The following IL1RAPL1 variants were observed in gnomAD, a reference collection of about 807,000 sequenced individuals.
The protein encoded by IL1RAPL1 is interleukin-1 receptor accessory protein-like 1.
In IL1RAPL1, 3 loss-of-function variants were observed where a neutral mutation model predicts 48.4. The ratio of observed to expected loss-of-function variants is 0.06; its 90% CI spans 0.03 to 0.16. The LOEUF is 0.16. IL1RAPL1 is among the 10% of genes least tolerant of loss of function. IL1RAPL1 has a pLI of 1.00. For missense variants in IL1RAPL1, 349 were observed against 530.6 expected (o/e 0.66, Z 3.36); for synonymous variants, 185 against 187.7 (o/e 0.99, Z 0.12).
chrX:28,822,311 C>T (rs1009211303), intron 2 of IL1RAPL1, among the ~76,000 whole-genome samples: 1 of 111,418 alleles, frequency 9.0e-6, no homozygotes, highest in African/African-American at 3.3e-5. Context: ...TGTTTTTGTG[C>T]AGCCCACAAG....
At chrX:28,820,872 G>T (rs757169938) in intron 2 of IL1RAPL1, among the ~76,000 whole-genome samples, 6 of 111,001 alleles carry the variant, frequency 5.4e-5, no homozygotes, top group Non-Finnish European at 9.5e-5. Flanking sequence ...AACCCCCAAG[G>T]AAAGTACAAA....
At chrX:29,532,706 G>A (rs184820867) in intron 5 of IL1RAPL1, among the ~76,000 whole-genome samples, 7 of 112,246 alleles carry the variant, frequency 6.2e-5, no homozygotes, top group Non-Finnish European at 1.1e-4. Context: ...ATTGGTCAAA[G>A]TTCAGCCTTA....
intron 6 of IL1RAPL1, among the ~76,000 whole-genome samples, chrX:29,854,176 T>C (rs1056728299): frequency 8.9e-6 from 1 of 112,147 alleles, no homozygotes; most frequent in Non-Finnish European, 1.9e-5. Context: ...AGAAAGACTT[T>C]ATTCACACAC....
At chrX:28,802,044 C>T (rs1936681803) in intron 2 of IL1RAPL1, among the ~76,000 whole-genome samples, 1 of 111,809 alleles carries the variant, frequency 8.9e-6, no homozygotes. Context: ...GTACCTGAGG[C>T]CCATTGTTAG....
At chrX:28,969,950 T>C (rs1424690143) in intron 2 of IL1RAPL1, among the ~76,000 whole-genome samples, 1 of 110,866 alleles carries the variant, frequency 9.0e-6, no homozygotes, top group Non-Finnish European at 1.9e-5. Context: ...TCTAAACACA[T>C]ATATATGTTT....
At chrX:29,206,220 A>T (rs1296679863) in intron 2 of IL1RAPL1, among the ~76,000 whole-genome samples, 1 of 110,931 alleles carries the variant, frequency 9.0e-6, no homozygotes, top group Non-Finnish European at 1.9e-5. Flanking sequence ...TTCTTAGCCC[A>T]TTTTCCTTTA....
intron 5 of IL1RAPL1, among the ~76,000 whole-genome samples, chrX:29,570,947 C>T (rs893985044): frequency 8.9e-5 from 10 of 112,445 alleles, no homozygotes; most frequent in East Asian, 2.8e-4. Flanking sequence ...TCTAGCCAGG[C>T]GCGGTGGCTC....
intron 2 of IL1RAPL1, among the ~76,000 whole-genome samples, chrX:28,817,560 C>T (rs1025433276): frequency 9.0e-6 from 1 of 111,357 alleles, no homozygotes; most frequent in African/African-American, 3.3e-5. Flanking sequence ...ACCAGTCATA[C>T]ATCTAGCACA....
At position 28,720,638 on chromosome X, in the gene IL1RAPL1, A is replaced by C. The variant is rs181415131; in HGVS notation, c.-24-68682A>C. Among the ~76,000 whole-genome samples the C allele has an allele frequency of 1.6e-3, 176 of 112,149 alleles. 1 individual carries two copies. The highest frequency in any genetic ancestry group is 5.6e-3 in the African/African-American group (173 of 30,921). On this transcript the variant is annotated intron_variant, in intron 1 of 10. Transcript: ENST00000378993. ...TATTATACTTTAAGTTCTAGGGTAC[A>C]TATGCACAACGTGCAGGTTTGTTAC...
intron 2 of IL1RAPL1, among the ~76,000 whole-genome samples, chrX:29,187,333 A>G (rs1489385522): frequency 1.8e-5 from 2 of 111,447 alleles, no homozygotes; most frequent in East Asian, 5.7e-4. Flanking sequence ...TTGAAAGCTA[A>G]CAAGGTAGCT....
intron 5 of IL1RAPL1, among the ~76,000 whole-genome samples, chrX:29,605,463 T>G (rs763992849): frequency 9.0e-6 from 1 of 111,565 alleles, no homozygotes; most frequent in Non-Finnish European, 1.9e-5. Context: ...CCTACATTTT[T>G]TTTTAATGTG....
At chrX:29,658,497 G>A (rs908967268) in intron 5 of IL1RAPL1, among the ~76,000 whole-genome samples, 5 of 112,135 alleles carry the variant, frequency 4.5e-5, no homozygotes, top group Admixed American at 1.9e-4. Flanking sequence ...TAACTCATGT[G>A]TTAGGACACT....
chrX:29,294,693 C>T (rs774265074), intron 3 of IL1RAPL1, among the ~76,000 whole-genome samples: 16 of 110,569 alleles, frequency 1.4e-4, no homozygotes, highest in African/African-American at 3.0e-4. Flanking sequence ...GGTGGTGGGA[C>T]GGATTTGGGC....
intron 5 of IL1RAPL1, among the ~76,000 whole-genome samples, chrX:29,513,104 AG>A (rs1935410131): frequency 1.8e-5 from 2 of 111,971 alleles, no homozygotes; most frequent in African/African-American, 6.5e-5. Context: ...ATCCAATTTC[AG>A]CAGAAAATGT....
At chrX:29,106,088 T>C (rs1188291212) in intron 2 of IL1RAPL1, among the ~76,000 whole-genome samples, 1 of 112,500 alleles carries the variant, frequency 8.9e-6, no homozygotes, top group Non-Finnish European at 1.9e-5. Context: ...ATGTTTTTAC[T>C]GATTCCTTGC....
intron 5 of IL1RAPL1, among the ~76,000 whole-genome samples, chrX:29,446,241 T>C (rs1447280796): frequency 1.8e-5 from 2 of 111,783 alleles, no homozygotes; most frequent in South Asian, 3.7e-4. Context: ...TGGTTAAACA[T>C]TGAAAAACTG....
intron 5 of IL1RAPL1, among the ~76,000 whole-genome samples, chrX:29,464,143 A>G (rs1934835881): frequency 8.9e-6 from 1 of 112,496 alleles, no homozygotes; most frequent in African/African-American, 3.2e-5. Context: ...AGTAATTTTG[A>G]TATTAACTGT....
At chrX:29,738,543 A>C (rs1423432767) in intron 6 of IL1RAPL1, among the ~76,000 whole-genome samples, 1 of 101,805 alleles carries the variant, frequency 9.8e-6, no homozygotes, top group Non-Finnish European at 2.0e-5. Context: ...TTTCCTGGGC[A>C]CAAGCAATCT....
intron 3 of IL1RAPL1, among the ~76,000 whole-genome samples, chrX:29,298,831 A>G (rs758948061): frequency 1.1e-4 from 12 of 111,458 alleles, no homozygotes; most frequent in Non-Finnish European, 1.9e-4. Flanking sequence ...CATTTTTTCA[A>G]GATGCATTTG....
Sources: allele counts gnomAD v4.1 joint callset (sites outside exome capture counted in the v4.1 genomes callset), GRCh38; gene constraint gnomAD v4.1.1; transcripts MANE v1.5; gene names NCBI Gene and HGNC (gene_info 2026-07-23, HGNC 2026-07-21).